The following TDRD5 variants were observed in gnomAD, a reference collection of about 807,000 sequenced individuals.
The protein encoded by TDRD5 is tudor domain containing 5, also known as tudor domain-containing protein 5.
Under a neutral mutation model 120.6 loss-of-function variants are expected in TDRD5, and 41 were observed. That is an observed-to-expected ratio of 0.34 (90% confidence interval 0.26 to 0.44). The LOEUF (loss-of-function observed/expected upper bound fraction) is 0.44, where lower values mean the gene tolerates loss of function less well. Among genes scored for constraint, TDRD5 ranks in the 20% least tolerant of loss-of-function variants. The probability of loss-of-function intolerance (pLI) is 1.00; values close to 1 mark genes in which losing one functional copy is unlikely to be tolerated. For synonymous variants in TDRD5, 430 were observed against 433.7 expected, an observed-to-expected ratio of 0.99 and a Z score of 0.11; for missense variants, 1,006 against 1,221.2, an observed-to-expected ratio of 0.82 and a Z score of 2.63.
At chr1:179,601,102 A>G (rs1675682589) in intron 4 of TDRD5, among the ~76,000 whole-genome samples, 1 of 151,242 alleles carries the variant, frequency 6.6e-6, no homozygotes, top group Admixed American at 6.6e-5. Flanking sequence ...TATTCTATAA[A>G]TGTCAATTAA....
intron 7 of TDRD5, among the ~76,000 whole-genome samples, chr1:179,633,910 A>G (rs1459488285): frequency 6.6e-6 from 1 of 151,446 alleles, no homozygotes; most frequent in Admixed American, 6.6e-5. Flanking sequence ...GGTGGCTCAC[A>G]CCTGTAATCC....
At chr1:179,675,270 ATTATTT>A (rs1474891127) in intron 17 of TDRD5, among the ~76,000 whole-genome samples, 285 of 59,128 alleles carry the variant, frequency 4.8e-3, no homozygotes, top group African/African-American at 0.015. Context: ...TATTATTATT[ATTATTT>A]TTTTTTTTTT....
intron 11 of TDRD5, among the ~76,000 whole-genome samples, chr1:179,642,845 A>C (rs999769613): frequency 6.6e-6 from 1 of 152,196 alleles, no homozygotes; most frequent in African/African-American, 2.4e-5. Context: ...GCAACAGACT[A>C]TTATGCCCAT....
intron 17 of TDRD5, among the ~76,000 whole-genome samples, chr1:179,687,009 ATTTTTTGAAGGG>A (rs1451373282): frequency 6.6e-6 from 1 of 151,996 alleles, no homozygotes; most frequent in African/African-American, 2.4e-5. Context: ...GGATTCATTG[ATTTTTTGAAGGG>A]TTTTTTGTGT....
chr1:179,624,643 G>C (rs558931339), intron 6 of TDRD5, among the ~76,000 whole-genome samples: 1 of 152,180 alleles, frequency 6.6e-6, no homozygotes, highest in African/African-American at 2.4e-5. Flanking sequence ...ATTAAATTCT[G>C]TTTATTATAT....
At chr1:179,596,783 A>G (rs1389738359) in intron 4 of TDRD5, among the ~76,000 whole-genome samples, 1 of 152,090 alleles carries the variant, frequency 6.6e-6, no homozygotes, top group Non-Finnish European at 1.5e-5. Context: ...TTATTTGCAT[A>G]CATCTTGTAT....
At chr1:179,616,348 C>G (rs150431574) in intron 4 of TDRD5, among the ~76,000 whole-genome samples, 1 of 151,902 alleles carries the variant, frequency 6.6e-6, no homozygotes, top group Non-Finnish European at 1.5e-5. Context: ...ATCAGTGATT[C>G]CTTCCTCTCC....
intron 4 of TDRD5, among the ~76,000 whole-genome samples, chr1:179,609,284 C>G (rs1676156861): frequency 6.6e-6 from 1 of 152,096 alleles, no homozygotes; most frequent in African/African-American, 2.4e-5. Context: ...GGATCCCAGT[C>G]TAAATATGAA....
chr1:179,613,590 A>G (rs878917912), intron 4 of TDRD5, among the ~76,000 whole-genome samples: 1 of 152,342 alleles, frequency 6.6e-6, no homozygotes, highest in East Asian at 1.9e-4. Context: ...GCTCTGGCAT[A>G]TAAGGTGTCC....
intron 14 of TDRD5, among the ~76,000 whole-genome samples, chr1:179,659,842 T>C (rs745638314): frequency 3.0e-4 from 46 of 151,152 alleles, no homozygotes; most frequent in Non-Finnish European, 5.0e-4. Flanking sequence ...GGATTACAGG[T>C]GTGCGCCCCA....
chr1:179,662,829 TTTTTG>T (rs1409646081), intron 15 of TDRD5, among the ~76,000 whole-genome samples: 2 of 152,154 alleles, frequency 1.3e-5, no homozygotes, highest in African/African-American at 4.8e-5. Flanking sequence ...ATCATTGTGA[TTTTTG>T]TTTTATCATT....
At chr1:179,635,634 A>C in intron 8 of TDRD5, 33 bp from the exon 9 acceptor site, 1 of 1,585,970 alleles carries the variant, frequency 6.3e-7, no homozygotes. Flanking sequence ...AATGTCACCA[A>C]GAGATTTTTA....
At chr1:179,690,133 C>A (rs1358318497) in intron 17 of TDRD5, among the ~76,000 whole-genome samples, 1 of 152,240 alleles carries the variant, frequency 6.6e-6, no homozygotes, top group Non-Finnish European at 1.5e-5. Context: ...AATCACCCAT[C>A]TTCTGCGTTG....
chr1:179,626,023 A>G (rs1163875149), intron 6 of TDRD5, among the ~76,000 whole-genome samples: 1 of 151,222 alleles, frequency 6.6e-6, no homozygotes, highest in African/African-American at 2.4e-5. Context: ...ATGAGAACAC[A>G]TGGACACAGG....
At position 179,675,255 on chromosome 1, in the gene TDRD5, T is replaced by TTATTA. The variant is rs1558424028; in HGVS notation, c.2860+5852_2860+5853insATTAT. ...ATTGTATCATTCAGTTCAAAGAATT[T>TTATTA]TTATTATTATTATTATTATTTTTTT... On this transcript the variant is annotated intron_variant, in intron 17 of 17. Transcript: ENST00000444136. 2.0e-3 allele frequency among the ~76,000 whole-genome samples: 236 copies of TTATTA among 116,500 alleles called. 3 individuals are homozygous for TTATTA. Among genetic ancestry groups the TTATTA allele is most frequent in the African/African-American group, 6.1e-3 (171 of 28,140 alleles). The allele number at this position is 116,500 out of a possible 152,430, so 76.4% of individuals were successfully genotyped here. A position where few individuals can be genotyped will look rare whatever the true frequency, so the allele number is the denominator to read the frequency against.
At chr1:179,674,228 C>T (rs567186955) in intron 17 of TDRD5, among the ~76,000 whole-genome samples, 11 of 152,154 alleles carry the variant, frequency 7.2e-5, no homozygotes, top group East Asian at 1.9e-4. Context: ...CCCTATATGC[C>T]GATTTTGCTG....
chr1:179,618,740 T>C (rs1287847124), intron 5 of TDRD5, 58 bp downstream of exon 5: 2 of 1,288,708 alleles, frequency 1.6e-6, no homozygotes, highest in South Asian at 1.6e-5. Context: ...TTATATATCA[T>C]TTGTGGTTGA....
chr1:179,685,357 T>C (rs1052959764), intron 17 of TDRD5, among the ~76,000 whole-genome samples: 1 of 152,164 alleles, frequency 6.6e-6, no homozygotes, highest in Non-Finnish European at 1.5e-5. Context: ...TGGTTATAGA[T>C]GTGTGGTATT....
At position 179,606,278 on chromosome 1, in the gene TDRD5, T is replaced by A. The variant is rs1558374333; in HGVS notation, c.831+10460T>A. On this transcript the variant is annotated intron_variant, in intron 4 of 17. Transcript: ENST00000444136. ...CTGTTCAGGTATTTTGCCCATTTTTTAAAAATTGGATTGTTTCTTATTGCT... is the reference window on the plus strand; with the variant it reads ...CTGTTCAGGTATTTTGCCCATTTTTAAAAAATTGGATTGTTTCTTATTGCT... 1.3e-5 allele frequency among the ~76,000 whole-genome samples: 2 copies of A among 149,916 alleles called. 1 individual carries two copies. Among genetic ancestry groups the A allele is most frequent in the South Asian group, 4.2e-4 (2 of 4,744 alleles).
Sources: gnomAD v4.1 joint callset for allele counts (sites outside exome capture counted in the v4.1 genomes callset) on GRCh38, gnomAD v4.1.1 for gene constraint, MANE v1.5 for transcripts, NCBI Gene and HGNC (gene_info 2026-07-23, HGNC 2026-07-21) for gene names.